HYOU1: variants seen among roughly 807,000 people sequenced by gnomAD.
HYOU1 encodes hypoxia up-regulated protein 1.
In HYOU1, 40 loss-of-function variants were observed where a neutral mutation model predicts 120.5. The ratio of observed to expected loss-of-function variants is 0.33; its 90% CI spans 0.26 to 0.43. The LOEUF (loss-of-function observed/expected upper bound fraction) is 0.43, where lower values mean the gene tolerates loss of function less well. Among genes scored for constraint, HYOU1 ranks in the 20% least tolerant of loss-of-function variants. The pLI, the probability that HYOU1 is intolerant of heterozygous loss-of-function variation, is 1.00. For missense variants in HYOU1, 1,085 were observed against 1,278.3 expected (o/e 0.85, Z 2.31); for synonymous variants, 501 against 479.4 (o/e 1.05, Z -0.59).
intron 7 of HYOU1, 111 bp from the exon 8 acceptor site, chr11:119,054,347 CA>C: frequency 8.4e-7 from 1 of 1,189,272 alleles, no homozygotes; most frequent in South Asian, 1.3e-5. Context: ...CAAAACTAAA[CA>C]GCTCCAACAG....
Position 119,051,202 on chromosome 11 carries a change from G to A in HYOU1, c.1527-29C>T, listed in dbSNP as rs1021096155. On this transcript the variant is annotated intron_variant, in intron 13 of 25. Transcript: ENST00000617285. The surrounding 1 kb of genome is among the most constrained non-coding windows in gnomAD (Gnocchi z 4.2). The stretch of plus-strand genomic sequence containing the variant: ...GTTGGGAAGGAAAGAGGAGTTCAGG[G>A]GGACCCACCCCAGCCCATCTCGCCC... 2 of 1,613,658 alleles carry A rather than the reference G, an allele frequency of 1.2e-6. No individual in the cohort carries two copies. Among genetic ancestry groups the A allele is most frequent in the African/African-American group, 1.3e-5 (1 of 74,918 alleles).
In HYOU1 at chr11:119,048,271, C is replaced by T. The variant is rs1944204284; in HGVS notation, c.2353G>A (p.Glu785Lys). 2 of 1,611,476 alleles carry T rather than the reference C, an allele frequency of 1.2e-6. No homozygotes were observed. Among genetic ancestry groups the T allele is most frequent in the Non-Finnish European group, 8.5e-7 (1 of 1,179,998 alleles). ...LSAASTWLED[E>K]GVGATTVMLK... is the part of the protein sequence containing the mutation. ...ACCACTGTGGTGGCTCCAACACCCT[C>T]ATCCTCCAGCCAGGTGGATGCGGCG... is the stretch of plus-strand genomic sequence containing the variant. The change falls in exon 20 of 26, where the codon GAG (glutamate) becomes AAG (lysine). Residue 785 changes from glutamate to lysine, a missense_variant. This residue lies in a region of HYOU1 where 516 missense variants were observed against 517.1 expected (regional missense o/e 1.00). Coordinates refer to ENST00000617285, the MANE Select transcript of HYOU1 (RefSeq NM_006389.5). This position sits in a 1 kb window ranked among gnomAD's most constrained non-coding sequence, Gnocchi z 4.7.
At position 119,046,757 on chromosome 11, in the gene HYOU1, T is replaced by C; in HGVS notation, c.2641A>G (p.Thr881Ala). 6.2e-7 allele frequency: 1 copy of C among 1,604,798 alleles called. No homozygotes were observed. The highest frequency in any genetic ancestry group is 8.5e-7 in the Non-Finnish European group (1 of 1,179,994). The change falls in exon 23 of 26, where the codon ACA becomes GCA. Residue 881 changes from threonine to alanine, a missense_variant. Physicochemically the swap from Thr to Ala is moderately conservative, Grantham distance 58 (BLOSUM62 0). Coordinates refer to ENST00000617285, the MANE Select transcript of HYOU1 (RefSeq NM_006389.5). The stretch of plus-strand genomic sequence containing the variant: ...TTTGAGAGCAACACAGGCTTCTCTG[T>C]GGCGGGCAGCTTAGCCTGCTCGGCC... ...TLAEQAKLPA[T>A]EKPVLLSKDI...
chr11:119,049,904 A>G (rs2133576424), intron 14 of HYOU1, 67 bp from the exon 15 acceptor site: 62 of 1,432,858 alleles, frequency 4.3e-5, no homozygotes, highest in Non-Finnish European at 5.9e-5. Flanking sequence ...ACATCTGCCA[A>G]AGTGGGTGTT....
chr11:119,054,460 C>T (rs1565720531), intron 7 of HYOU1, 34 bp downstream of exon 7: 1 of 1,605,478 alleles, frequency 6.2e-7, no homozygotes, highest in Non-Finnish European at 8.5e-7. Flanking sequence ...GATTCAGTCA[C>T]CCTGCATGTC....
At position 119,051,407 on chromosome 11, in the gene HYOU1, G is replaced by A. The variant is rs1448241446; in HGVS notation, c.1526+31C>T. The A allele has an allele frequency of 1.9e-6, 3 of 1,608,074 alleles. No individual in the cohort carries two copies. Among genetic ancestry groups the A allele is most frequent in the Admixed American group, 1.7e-5 (1 of 59,764 alleles). On this transcript the variant is annotated intron_variant, in intron 13 of 25. Coordinates refer to ENST00000617285, the MANE Select transcript of HYOU1 (RefSeq NM_006389.5). The surrounding 1 kb of genome is among the most constrained non-coding windows in gnomAD (Gnocchi z 4.2). ...CCAGCAGCCACGCCTCCCCCTCCCT[G>A]GAGCTCCCATCCTACACCCCTGCCC...
chr11:119,053,587 T>C (rs1893349), intron 8 of HYOU1: 1 of 152,344 alleles, frequency 6.6e-6, no homozygotes, highest in East Asian at 1.9e-4. Flanking sequence ...CTGGCTGCAA[T>C]ATGAAGAAAG....
At chr11:119,047,061 C>CTT (rs1044662743) in intron 22 of HYOU1, 160 of 335,092 alleles carry the variant, frequency 4.8e-4, no homozygotes, top group Middle Eastern at 8.3e-4. Flanking sequence ...TTGAATAGTC[C>CTT]TTTTTTTTTT....
chr11:119,049,362 G>A (rs2133572388), intron 16 of HYOU1, 159 bp from the exon 17 acceptor site: 2 of 1,555,008 alleles, frequency 1.3e-6, no homozygotes, highest in African/African-American at 1.4e-5. Context: ...CTGGACAAAG[G>A]AAGAGCATCT....
intron 22 of HYOU1, 64 bp from the exon 23 acceptor site, chr11:119,046,866 A>G (rs2133554115): frequency 6.4e-7 from 1 of 1,563,932 alleles, no homozygotes; most frequent in Non-Finnish European, 8.6e-7. Flanking sequence ...TCTGTCCCAG[A>G]TGGAATCACA....
chr11:119,047,102 T>G (rs2133555081), intron 22 of HYOU1: 95,978 of 279,652 alleles, frequency 0.34, 17,325 homozygotes, highest in Non-Finnish European at 0.38. Context: ...GTTGCCAGGC[T>G]GGAGTGCAGT....
Position 119,054,475 on chromosome 11 carries a change from C to T in HYOU1, c.678+19G>A, listed in dbSNP as rs1422642652. 3.1e-6 allele frequency: 5 copies of T among 1,612,820 alleles called. No individual in the cohort carries two copies. In the African/African-American group the frequency reaches 5.3e-5, roughly 17 times the overall value. ...GATTCAGTCACCCTGCATGTCTGGT[C>T]AAGGCTCCCCTGGCTCACCTGGGCA... On this transcript the variant is annotated intron_variant, in intron 7 of 25. Coordinates refer to ENST00000617285, the MANE Select transcript of HYOU1 (RefSeq NM_006389.5).
chr11:119,046,706 G>A lies in HYOU1; in HGVS notation c.2692C>T (p.Leu898=), dbSNP rs1465515962. 9 of 1,613,074 alleles carry A rather than the reference G, an allele frequency of 5.6e-6. No individual in the cohort carries two copies. The highest frequency in any genetic ancestry group is 1.6e-4 in the Middle Eastern group (1 of 6,084). The part of the protein sequence containing the change: ...SKDIEAKMMA[L]DREVQYLLNK... ...AGCAGATACTGCACCTCTCGGTCCA[G>A]GGCCATCATCTTAGCTTCAATGTCT... Residue 898 remains leucine (L), a synonymous_variant, in exon 23 of 26, where the codon CTG becomes TTG. Transcript: ENST00000617285.
Position 119,055,278 on chromosome 11 carries a change from T to A in HYOU1, c.326A>T (p.Asp109Val). The change falls in exon 5 of 26, where the codon GAT becomes GTT. Residue 109 changes from aspartate to valine, a missense_variant. Around this residue, in one of 4 missense-constraint regions of HYOU1, gnomAD observed 515 missense variants for 677.8 expected, o/e 0.76. Transcript: ENST00000617285. The surrounding 1 kb of genome is among the most constrained non-coding windows in gnomAD (Gnocchi z 4.0). ...CTGGTAAAGAGCTACATGGGGGTTA[T>A]CTGCCTGCTTCCCCAGGAGGTGCTG... ...YFQHLLGKQA[D>V]NPHVALYQAR... 1 of 1,613,904 alleles carries A rather than the reference T, an allele frequency of 6.2e-7. No individual in the cohort carries two copies. The highest frequency in any genetic ancestry group is 1.1e-5 in the South Asian group (1 of 91,086).
intron 24 of HYOU1, 142 bp from the exon 25 acceptor site, chr11:119,045,973 TTTTG>T: frequency 2.4e-6 from 2 of 841,458 alleles, no homozygotes; most frequent in Non-Finnish European, 3.8e-6. Flanking sequence ...CTACTCTGTT[TTTTG>T]AGACAGAGTC....
At chr11:119,046,060 C>T (rs909356121) in intron 24 of HYOU1, among the ~76,000 whole-genome samples, 1 of 152,130 alleles carries the variant, frequency 6.6e-6, no homozygotes, top group Non-Finnish European at 1.5e-5. Context: ...CTCCCAGGTT[C>T]AAGTGTTCTC....
chr11:119,050,241 A>C (rs1350016207), intron 14 of HYOU1, among the ~76,000 whole-genome samples: 1 of 152,060 alleles, frequency 6.6e-6, no homozygotes, highest in Admixed American at 6.6e-5. Flanking sequence ...GTGAAACCCT[A>C]TCTCTACTCC....
At position 119,049,568 on chromosome 11, in the gene HYOU1, A is replaced by C. The variant is rs2133574045; in HGVS notation, c.1794T>G (p.Thr598=). 2.3e-5 allele frequency: 37 copies of C among 1,613,944 alleles called. No individual in the cohort carries two copies. The highest frequency in any genetic ancestry group is 3.0e-5 in the Non-Finnish European group (35 of 1,179,996). The change falls in exon 16 of 26, where the codon ACT becomes ACG. Residue 598 remains threonine, a synonymous_variant. Coordinates refer to ENST00000617285, the MANE Select transcript of HYOU1 (RefSeq NM_006389.5). ...ATCCTGAACTCACCTGGACAGTATC[A>C]GTACCATTCTCCTTGGCATCTGGTG... is the stretch of plus-strand genomic sequence containing the variant. ...GTTPDAKENG[T]DTVQEEEESP...
At chr11:119,056,849 C>A (rs1166859534) in intron 1 of HYOU1, 171 bp downstream of exon 1, 1 of 175,442 alleles carries the variant, frequency 5.7e-6, no homozygotes, top group Non-Finnish European at 1.2e-5. Flanking sequence ...GATCCCGGCC[C>A]GCCCCAGCAA....
Sources: allele counts gnomAD v4.1 joint callset (sites outside exome capture counted in the v4.1 genomes callset), GRCh38; gene constraint gnomAD v4.1.1; regional missense constraint gnomAD v4.1.1; non-coding constraint Gnocchi (gnomAD v3.1); transcripts MANE v1.5; gene names NCBI Gene and HGNC (gene_info 2026-07-23, HGNC 2026-07-21).